Variants in HS6ST3 observed in about 807,000 individuals in gnomAD.
HS6ST3 encodes heparan sulfate 6-O-sulfotransferase 3.
In HS6ST3, 12 loss-of-function variants were observed where a neutral mutation model predicts 36.7. The observed-to-expected ratio is 0.33, with a 90% confidence interval of 0.21 to 0.53. The LOEUF (loss-of-function observed/expected upper bound fraction) is 0.53. Ranked by LOEUF, HS6ST3 falls within the 20% of genes least tolerant of loss-of-function variation. HS6ST3 has a pLI of 0.95. For synonymous variants in HS6ST3, 240 were observed against 257.5 expected (o/e 0.93, Z 0.65); for missense variants, 584 against 640.9 (o/e 0.91, Z 0.96).
chr13:96,152,480 G>GGCGCCCGCCACC (rs2054090728), intron 1 of HS6ST3, among the ~76,000 whole-genome samples: 1 of 151,942 alleles, frequency 6.6e-6, no homozygotes, highest in Non-Finnish European at 1.5e-5. Flanking sequence ...TGGGACTACA[G>GGCGCCCGCCACC]GCGCCCGCCA....
chr13:96,759,455 ATATAT>A (rs971054205), intron 1 of HS6ST3, among the ~76,000 whole-genome samples: 1 of 151,714 alleles, frequency 6.6e-6, no homozygotes, highest in Non-Finnish European at 1.5e-5. Context: ...TGTTTTATGT[ATATAT>A]TATGTTTACA....
intron 1 of HS6ST3, among the ~76,000 whole-genome samples, chr13:96,647,083 G>C (rs2056591291): frequency 6.6e-6 from 1 of 151,932 alleles, no homozygotes; most frequent in African/African-American, 2.4e-5. Flanking sequence ...TTAGACTTAG[G>C]TGGCCTTCTC....
At chr13:96,297,753 C>T (rs1037222117) in intron 1 of HS6ST3, among the ~76,000 whole-genome samples, 11 of 152,050 alleles carry the variant, frequency 7.2e-5, no homozygotes, top group Admixed American at 3.9e-4. Context: ...TATGCAATGC[C>T]CATGTCCTCA....
At chr13:96,135,385 G>A (rs1217398674) in intron 1 of HS6ST3, among the ~76,000 whole-genome samples, 1 of 152,116 alleles carries the variant, frequency 6.6e-6, no homozygotes, top group Non-Finnish European at 1.5e-5. Context: ...CATAAGTCTG[G>A]TCTTAGACAT....
chr13:96,678,977 C>T (rs1487637908), intron 1 of HS6ST3, among the ~76,000 whole-genome samples: 1 of 151,758 alleles, frequency 6.6e-6, no homozygotes, highest in East Asian at 1.9e-4. Flanking sequence ...AAAATGTCAA[C>T]CCCAACCTCA....
At chr13:96,098,974 C>G (rs997860052) in intron 1 of HS6ST3, among the ~76,000 whole-genome samples, 1 of 152,162 alleles carries the variant, frequency 6.6e-6, no homozygotes, top group Non-Finnish European at 1.5e-5. Flanking sequence ...GATGGAGTCT[C>G]GCTCTGTCAC....
At chr13:96,791,994 G>A (rs1224635426) in intron 1 of HS6ST3, among the ~76,000 whole-genome samples, 1 of 151,944 alleles carries the variant, frequency 6.6e-6, no homozygotes, top group Non-Finnish European at 1.5e-5. Flanking sequence ...CATTATATAT[G>A]AATGTGTTCA....
At chr13:96,155,943 C>T (rs2054108555) in intron 1 of HS6ST3, among the ~76,000 whole-genome samples, 1 of 152,160 alleles carries the variant, frequency 6.6e-6, no homozygotes, top group African/African-American at 2.4e-5. Flanking sequence ...CTTCGAAAGG[C>T]TCAGGCACGT....
At chr13:96,272,472 A>C (rs1242338117) in intron 1 of HS6ST3, among the ~76,000 whole-genome samples, 5 of 151,980 alleles carry the variant, frequency 3.3e-5, no homozygotes, top group Non-Finnish European at 7.4e-5. Flanking sequence ...TTAGAATTTG[A>C]GCAAGGGGAA....
chr13:96,650,466 T>C (rs1197048003), intron 1 of HS6ST3, among the ~76,000 whole-genome samples: 2 of 152,050 alleles, frequency 1.3e-5, no homozygotes, highest in African/African-American at 4.8e-5. Context: ...TCTGAGGGAC[T>C]CAAGGAATAA....
At chr13:96,603,871 T>C (rs1189557613) in intron 1 of HS6ST3, among the ~76,000 whole-genome samples, 1 of 152,218 alleles carries the variant, frequency 6.6e-6, no homozygotes, top group Non-Finnish European at 1.5e-5. Context: ...CCCATGTGTC[T>C]ACTTGAACCT....
intron 1 of HS6ST3, among the ~76,000 whole-genome samples, chr13:96,569,075 T>C (rs1594808870): frequency 6.6e-6 from 1 of 152,214 alleles, no homozygotes; most frequent in Admixed American, 6.5e-5. Flanking sequence ...AAAACAGATA[T>C]ACTTTATTTT....
At chr13:96,715,915 C>T (rs1875683581) in intron 1 of HS6ST3, among the ~76,000 whole-genome samples, 1 of 151,994 alleles carries the variant, frequency 6.6e-6, no homozygotes, top group Admixed American at 6.6e-5. Flanking sequence ...TCCTTCCCTT[C>T]CATCTCTGAG....
intron 1 of HS6ST3, among the ~76,000 whole-genome samples, chr13:96,179,961 C>T (rs975190166): frequency 3.9e-5 from 6 of 152,100 alleles, no homozygotes; most frequent in African/African-American, 1.2e-4. Context: ...TACCGAGTAA[C>T]TGGGACTACA....
chr13:96,198,296 C>T (rs1165484062), intron 1 of HS6ST3, among the ~76,000 whole-genome samples: 1 of 152,172 alleles, frequency 6.6e-6, no homozygotes, highest in East Asian at 1.9e-4. Context: ...ATGGGAGGGG[C>T]TGCCATGAAG....
chr13:96,144,131 A>G (rs935271641), intron 1 of HS6ST3, among the ~76,000 whole-genome samples: 1 of 152,152 alleles, frequency 6.6e-6, no homozygotes, highest in Non-Finnish European at 1.5e-5. Context: ...CTATTTCTTC[A>G]TCAGTTTAAG....
intron 1 of HS6ST3, among the ~76,000 whole-genome samples, chr13:96,137,692 A>G (rs1291199132): frequency 6.6e-6 from 1 of 152,128 alleles, no homozygotes; most frequent in Middle Eastern, 3.2e-3. Flanking sequence ...TGGCCTCCCA[A>G]AGTACTGGGA....
chr13:96,483,375 A>G (rs957843704), intron 1 of HS6ST3, among the ~76,000 whole-genome samples: 1 of 152,048 alleles, frequency 6.6e-6, no homozygotes, highest in Non-Finnish European at 1.5e-5. Flanking sequence ...TGAAAGGAGG[A>G]GAGTGTGTTT....
chr13:96,745,081 T>C (rs1325410349), intron 1 of HS6ST3, among the ~76,000 whole-genome samples: 1 of 152,084 alleles, frequency 6.6e-6, no homozygotes, highest in Non-Finnish European at 1.5e-5. Flanking sequence ...GTATGATTCA[T>C]ATCCAAGAAG....
Sources: gnomAD v4.1 joint callset for allele counts (sites outside exome capture counted in the v4.1 genomes callset) on GRCh38, gnomAD v4.1.1 for gene constraint, MANE v1.5 for transcripts, NCBI Gene and HGNC (gene_info 2026-07-23, HGNC 2026-07-21) for gene names.